PRICKLE2: variants seen among roughly 807,000 people sequenced by gnomAD.
The protein encoded by PRICKLE2 is prickle planar cell polarity protein 2, also known as prickle-like protein 2.
Under a neutral mutation model 81.4 loss-of-function variants are expected in PRICKLE2, and 21 were observed. That is an observed-to-expected ratio of 0.26 (90% confidence interval 0.18 to 0.37). The LOEUF (loss-of-function observed/expected upper bound fraction) is 0.37, where lower values mean the gene tolerates loss of function less well. Ranked by LOEUF, PRICKLE2 falls within the 10% of genes least tolerant of loss-of-function variation. The probability of loss-of-function intolerance (pLI) is 1.00; values close to 1 mark genes in which losing one functional copy is unlikely to be tolerated. For missense variants in PRICKLE2, 940 were observed against 1,109.0 expected, an observed-to-expected ratio of 0.85 and a Z score of 2.16; for synonymous variants, 456 against 421.5, an observed-to-expected ratio of 1.08 and a Z score of -1.00.
chr3:64,167,926 TCTA>T (rs1194116386), intron 2 of PRICKLE2, among the ~76,000 whole-genome samples: 1 of 152,198 alleles, frequency 6.6e-6, no homozygotes, highest in Non-Finnish European at 1.5e-5. Context: ...TTTAGAGCTT[TCTA>T]CTGTTTTCCC....
At chr3:64,181,183 T>C (rs1022871573) in intron 2 of PRICKLE2, among the ~76,000 whole-genome samples, 2 of 152,200 alleles carry the variant, frequency 1.3e-5, no homozygotes, top group Non-Finnish European at 2.9e-5. Flanking sequence ...TTACAGATTA[T>C]AGAATTCCGT....
chr3:64,160,214 G>T (rs2077709598), intron 3 of PRICKLE2, 137 bp from the exon 4 acceptor site: 2 of 900,034 alleles, frequency 2.2e-6, no homozygotes, highest in Admixed American at 1.9e-5. Flanking sequence ...AACCACAACA[G>T]CCTTGGAGAG....
At chr3:64,196,877 G>A (rs2078464496) in intron 2 of PRICKLE2, among the ~76,000 whole-genome samples, 1 of 152,148 alleles carries the variant, frequency 6.6e-6, no homozygotes, top group Non-Finnish European at 1.5e-5. Flanking sequence ...TATCCTTACA[G>A]GAATGAGATT....
chr3:64,243,386 C>A (rs1030022964), intron 2 of PRICKLE2, among the ~76,000 whole-genome samples: 1 of 152,180 alleles, frequency 6.6e-6, no homozygotes, highest in African/African-American at 2.4e-5. Context: ...GTCGTGAAAA[C>A]CAAATATATC....
intron 7 of PRICKLE2, among the ~76,000 whole-genome samples, chr3:64,135,737 C>T (rs2077268932): frequency 6.6e-6 from 1 of 151,854 alleles, no homozygotes; most frequent in East Asian, 1.9e-4. Context: ...CACACACCTG[C>T]GTGCACACAC....
chr3:64,266,614 G>A (rs2079713387), intron 2 of PRICKLE2, among the ~76,000 whole-genome samples: 2 of 152,164 alleles, frequency 1.3e-5, no homozygotes. Flanking sequence ...CCAACAGGCT[G>A]GGAAGATTTG....
chr3:64,196,171 G>A (rs1219766312), intron 2 of PRICKLE2, among the ~76,000 whole-genome samples: 2 of 152,088 alleles, frequency 1.3e-5, no homozygotes, highest in African/African-American at 2.4e-5. Flanking sequence ...CTTTTTTCTT[G>A]GGTCAATATG....
At chr3:64,129,894 C>T (rs965987847) in intron 7 of PRICKLE2, among the ~76,000 whole-genome samples, 18 of 152,174 alleles carry the variant, frequency 1.2e-4, no homozygotes, top group Admixed American at 5.9e-4. Context: ...TTGGCTTTAT[C>T]TGCTGATCCC....
intron 2 of PRICKLE2, among the ~76,000 whole-genome samples, chr3:64,167,808 G>A (rs931198811): frequency 1.3e-5 from 2 of 152,170 alleles, no homozygotes; most frequent in African/African-American, 4.8e-5. Flanking sequence ...CACCTGGAAG[G>A]CCTGTTAAAA....
Position 64,198,971 on chromosome 3 carries a change from C to T in PRICKLE2, c.-40-4G>A. The T allele has an allele frequency of 6.2e-7, 1 of 1,613,490 alleles. No homozygotes were observed. Among genetic ancestry groups the T allele is most frequent in the South Asian group, 1.1e-5 (1 of 91,070 alleles). On this transcript the variant is annotated splice_region_variant and splice_polypyrimidine_tract_variant and intron_variant, in intron 1 of 7. Transcript: ENST00000638394. The stretch of plus-strand genomic sequence containing the variant: ...CTTGCAGTGCAGGCAGATCTTCCTG[C>T]AGGCAGTAAAGGTAGAAGGTGAGAA...
In PRICKLE2 at chr3:64,146,972, T is replaced by C. The variant is rs765784323; in HGVS notation, c.1518A>G (p.Glu506=). 8 of 1,614,112 alleles carry C rather than the reference T, an allele frequency of 5.0e-6. No individual in the cohort carries two copies. The highest frequency in any genetic ancestry group is 8.5e-7 in the Non-Finnish European group (1 of 1,180,002). ...TGGACAAGCCCCCTTCCTCTTCCTCTTCCTCCTCATATTTGGGGACTTGGA... is the reference window on the plus strand; with the variant it reads ...TGGACAAGCCCCCTTCCTCTTCCTCCTCCTCCTCATATTTGGGGACTTGGA... ...GSIQVPKYEE[E]EEEEGGLSTQ... The change falls in exon 7 of 8, where the codon GAA becomes GAG. Residue 506 remains glutamate (E), a synonymous_variant. Coordinates refer to ENST00000638394, the MANE Select transcript of PRICKLE2 (RefSeq NM_198859.4).
intron 2 of PRICKLE2, among the ~76,000 whole-genome samples, chr3:64,177,026 T>C (rs1172327263): frequency 1.3e-5 from 2 of 151,532 alleles, no homozygotes; most frequent in African/African-American, 2.4e-5. Flanking sequence ...TGACACAATA[T>C]CTCAAACACC....
intron 2 of PRICKLE2, among the ~76,000 whole-genome samples, chr3:64,184,679 C>T (rs1204447690): frequency 6.6e-6 from 1 of 152,070 alleles, no homozygotes; most frequent in Non-Finnish European, 1.5e-5. Context: ...GCTATGCTGC[C>T]CAGGCTGGTT....
At chr3:64,120,884 A>G (rs1170635495) in intron 7 of PRICKLE2, among the ~76,000 whole-genome samples, 2 of 152,170 alleles carry the variant, frequency 1.3e-5, no homozygotes, top group African/African-American at 2.4e-5. Context: ...TTCTCCCTTC[A>G]GCAAAAGTGA....
In PRICKLE2 at chr3:64,094,250, AT is replaced by A. The variant is rs1339056555; in HGVS notation, c.*4800del. On this transcript the variant is annotated 3_prime_UTR_variant, in exon 8 of 8. Transcript: ENST00000638394. ...TCCTTACAATGTTAAGTCAGGGTCTATGACAGAATCATGACACTTTATGGAA... is the reference window on the plus strand; with the variant it reads ...TCCTTACAATGTTAAGTCAGGGTCTAGACAGAATCATGACACTTTATGGAA... The A allele has an allele frequency of 6.6e-6, 1 of 152,228 alleles. No individual in the cohort carries two copies. Among genetic ancestry groups the A allele is most frequent in the East Asian group, 1.9e-4 (1 of 5,200 alleles). The allele number at this position is 152,228 out of a possible 1,614,324, so 9.4% of individuals were successfully genotyped here. A position where few individuals can be genotyped will look rare whatever the true frequency, so the allele number is the denominator to read the frequency against.
chr3:64,176,432 C>T (rs903737771), intron 2 of PRICKLE2, among the ~76,000 whole-genome samples: 3 of 152,186 alleles, frequency 2.0e-5, no homozygotes, highest in South Asian at 2.1e-4. Context: ...CCATTACCCT[C>T]CTCTATTACT....
At position 64,096,469 on chromosome 3, in the gene PRICKLE2, G is replaced by A. The variant is rs2076574021; in HGVS notation, c.*2582C>T. The A allele has an allele frequency of 6.6e-6, 1 of 152,304 alleles. No individual in the cohort carries two copies. Among genetic ancestry groups the A allele is most frequent in the East Asian group, 1.9e-4 (1 of 5,182 alleles). The allele number at this position is 152,304 out of a possible 1,614,324, so 9.4% of individuals were successfully genotyped here. On this transcript the variant is annotated 3_prime_UTR_variant, in exon 8 of 8. Coordinates refer to ENST00000638394, the MANE Select transcript of PRICKLE2 (RefSeq NM_198859.4). ...TCTCCTCAATAGGGCATTCGCTTGG[G>A]GGTTCTGCCATCATTGTAAGGAATT...
intron 2 of PRICKLE2, among the ~76,000 whole-genome samples, chr3:64,189,419 C>T (rs997954578): frequency 4.6e-5 from 7 of 152,194 alleles, no homozygotes; most frequent in Non-Finnish European, 7.3e-5. Context: ...CACACCAAGT[C>T]TGCTTTCTTG....
chr3:64,119,470 TA>T (rs1443076374), intron 7 of PRICKLE2, among the ~76,000 whole-genome samples: 1 of 152,174 alleles, frequency 6.6e-6, no homozygotes, highest in Non-Finnish European at 1.5e-5. Context: ...TCAACGTCAC[TA>T]ATCATCACAG....
Sources: allele counts gnomAD v4.1 joint callset (sites outside exome capture counted in the v4.1 genomes callset), GRCh38; gene constraint gnomAD v4.1.1; transcripts MANE v1.5; gene names NCBI Gene and HGNC (gene_info 2026-07-23, HGNC 2026-07-21).